The following ZNF91 variants were observed in gnomAD, a reference collection of about 807,000 sequenced individuals.
ZNF91 encodes zinc finger protein 91 (HPF7, HTF10).
In ZNF91, 7 loss-of-function variants were observed where a neutral mutation model predicts 12.6. The observed-to-expected ratio is 0.55, with a 90% CI of 0.31 to 1.04. The LOEUF is 1.04. Ranked by LOEUF, ZNF91 falls within the 50% of genes least tolerant of loss-of-function variation. The probability of loss-of-function intolerance (pLI) is 0.05; values close to 1 mark genes in which losing one functional copy is unlikely to be tolerated. For synonymous variants in ZNF91, 453 were observed against 462.6 expected (o/e 0.98, Z 0.27); for missense variants, 1,217 against 1,385.4 (o/e 0.88, Z 1.93).
chr19:23,323,348 T>TC (rs773839289), intron 1 of ZNF91, among the ~76,000 whole-genome samples: 1 of 141,440 alleles, frequency 7.1e-6, no homozygotes, highest in Admixed American at 7.2e-5. Context: ...CCTCCTCCTC[T>TC]CCCCCTCCTT....
chr19:23,371,461 T>C (rs1282563805), intron 3 of ZNF91, among the ~76,000 whole-genome samples: 7 of 151,952 alleles, frequency 4.6e-5, no homozygotes, highest in African/African-American at 1.5e-4. Context: ...CTGATTGTGA[T>C]AGACATATGG....
upstream of ZNF91, among the ~76,000 whole-genome samples, chr19:23,315,538 A>C (rs1250444024): frequency 6.6e-6 from 1 of 152,096 alleles, no homozygotes; most frequent in Non-Finnish European, 1.5e-5. Flanking sequence ...ACTGCAACAT[A>C]TCTTTGGGCC....
At chr19:23,390,515 G>A (rs1018886268) in intron 1 of ZNF91, among the ~76,000 whole-genome samples, 5 of 152,042 alleles carry the variant, frequency 3.3e-5, no homozygotes, top group Non-Finnish European at 5.9e-5. Context: ...CCACCACCAC[G>A]CCCGACTAAT....
intron 1 of ZNF91, among the ~76,000 whole-genome samples, chr19:23,376,839 A>G (rs963319859): frequency 2.0e-5 from 3 of 152,324 alleles, no homozygotes; most frequent in African/African-American, 7.2e-5. Context: ...TAGCTGAAAA[A>G]AAGCCATTTT....
downstream of ZNF91, among the ~76,000 whole-genome samples, chr19:23,337,161 T>G (rs1227460225): frequency 2.6e-5 from 4 of 152,128 alleles, no homozygotes; most frequent in Admixed American, 6.5e-5. Context: ...TCATGTCAGG[T>G]GTGCTGGCCC....
At chr19:23,351,350 GA>G (rs1968361174) in intron 3 of ZNF91, among the ~76,000 whole-genome samples, 2 of 150,500 alleles carry the variant, frequency 1.3e-5, no homozygotes, top group Admixed American at 1.3e-4. Context: ...AAAAAAGAAA[GA>G]AAAGAAAAGA....
rs542959547 is a variant in ZNF91, at chr19:23,370,525, CAGGG to C, written c.253+3213_253+3216del. Among the ~76,000 whole-genome samples the C allele has an allele frequency of 5.0e-3, 761 of 152,180 alleles. 14 individuals are homozygous for C. The highest frequency in any genetic ancestry group is 3.0e-3 in the Non-Finnish European group (203 of 68,002). On this transcript the variant is annotated intron_variant, in intron 3 of 3. Coordinates refer to ENST00000300619, the MANE Select transcript of ZNF91 (RefSeq NM_003430.4). ...TACAGTTTTGTTTAGTTTTTTGAGA[CAGGG>C]TCTCAATCTGTCACACAAGCTTGAG... is the stretch of plus-strand genomic sequence containing the variant.
intron 1 of ZNF91, among the ~76,000 whole-genome samples, chr19:23,388,171 G>A (rs888422575): frequency 2.0e-5 from 3 of 152,080 alleles, no homozygotes; most frequent in Non-Finnish European, 4.4e-5. Context: ...GCTGGAACCC[G>A]AGAGGCGGAG....
intron 1 of ZNF91, chr19:23,324,935 T>A (rs188704619): frequency 6.6e-6 from 1 of 152,032 alleles, no homozygotes; most frequent in African/African-American, 2.4e-5. Flanking sequence ...TGTCCATGCA[T>A]GTCCTCTTGA....
At chr19:23,336,796 G>T (rs760123439), downstream of ZNF91, among the ~76,000 whole-genome samples, 1 of 152,208 alleles carries the variant, frequency 6.6e-6, no homozygotes, top group East Asian at 1.9e-4. Flanking sequence ...TGTTGAGATG[G>T]ATTCTCGCTG....
At chr19:23,380,266 C>CAAAAAAAAAAAAAAAAAAAAAA (rs199502898) in intron 1 of ZNF91, 1 of 52,728 alleles carries the variant, frequency 1.9e-5, no homozygotes, top group African/African-American at 5.7e-5. Context: ...AAATCCGTCT[C>CAAAAAAAAAAAAAAAAAAAAAA]AAAAAAAAAA....
At chr19:23,372,958 T>A (rs1002837469) in intron 3 of ZNF91, among the ~76,000 whole-genome samples, 3 of 152,154 alleles carry the variant, frequency 2.0e-5, no homozygotes, top group Non-Finnish European at 4.4e-5. Flanking sequence ...TCCTGAAGGA[T>A]ATTCACTCTG....
intron 3 of ZNF91, among the ~76,000 whole-genome samples, chr19:23,350,781 G>A (rs1327471341): frequency 6.6e-6 from 1 of 152,100 alleles, no homozygotes; most frequent in Non-Finnish European, 1.5e-5. Context: ...CTGAGAGGGA[G>A]GCTGTCCGGT....
At chr19:23,383,327 T>C (rs1328250438) in intron 1 of ZNF91, among the ~76,000 whole-genome samples, 1 of 152,202 alleles carries the variant, frequency 6.6e-6, no homozygotes, top group Non-Finnish European at 1.5e-5. Flanking sequence ...AACCTAGGCA[T>C]TGAAGGTACA....
chr19:23,365,564 T>C (rs897803649), intron 3 of ZNF91, among the ~76,000 whole-genome samples: 7 of 141,968 alleles, frequency 4.9e-5, no homozygotes, highest in Non-Finnish European at 7.8e-5. Flanking sequence ...CAGACAAATA[T>C]AGAAGTCTTT....
chr19:23,351,780 G>A (rs191281803), intron 3 of ZNF91, among the ~76,000 whole-genome samples: 8 of 152,304 alleles, frequency 5.3e-5, no homozygotes, highest in Admixed American at 1.3e-4. Context: ...GGACCCGGGA[G>A]ACACCCTAAA....
chr19:23,372,825 A>T (rs527656627), intron 3 of ZNF91, among the ~76,000 whole-genome samples: 2 of 152,108 alleles, frequency 1.3e-5, no homozygotes, highest in East Asian at 3.9e-4. Flanking sequence ...AACCCAAAGT[A>T]ACGTGGGAAA....
downstream of ZNF91, among the ~76,000 whole-genome samples, chr19:23,336,842 C>A (rs1451327993): frequency 1.3e-5 from 2 of 151,980 alleles, no homozygotes; most frequent in Non-Finnish European, 2.9e-5. Flanking sequence ...TGATCTCCGC[C>A]CACTGCAGGC....
At chr19:23,392,064 ATATAT>A (rs1313654490) in intron 1 of ZNF91, among the ~76,000 whole-genome samples, 4 of 152,164 alleles carry the variant, frequency 2.6e-5, no homozygotes, top group East Asian at 1.9e-4. Context: ...CAGACAATAA[ATATAT>A]TATGTTATTA....
Sources: allele counts gnomAD v4.1 joint callset (sites outside exome capture counted in the v4.1 genomes callset), GRCh38; gene constraint gnomAD v4.1.1; transcripts MANE v1.5; gene names NCBI Gene and HGNC (gene_info 2026-07-23, HGNC 2026-07-21).